Variants in TSC22D1 observed in about 807,000 individuals in gnomAD.
TSC22D1 encodes TSC22 domain family protein 1.
In TSC22D1, 9 loss-of-function variants were observed where a neutral mutation model predicts 74.2. That is an observed-to-expected ratio of 0.12 (90% CI 0.07 to 0.21). The LOEUF is 0.21. TSC22D1 is among the 10% of genes least tolerant of loss of function. TSC22D1 has a pLI of 1.00. For synonymous variants in TSC22D1, 586 were observed against 492.5 expected (o/e 1.19, Z -2.51); for missense variants, 1,427 against 1,304.7 (o/e 1.09, Z -1.44).
In TSC22D1 at chr13:44,474,136, C is replaced by G. The variant is rs2137915259; in HGVS notation, c.2913-38041G>C. ...AAGCTGAGTATTTAGAAACCAACTG[C>G]TTTTCAAGGTACTAGGCAGGACTTA... On this transcript the variant is annotated intron_variant, in intron 1 of 2. Coordinates refer to ENST00000458659, the MANE Select transcript of TSC22D1 (RefSeq NM_183422.4). 3 of 653,280 alleles carry G rather than the reference C, an allele frequency of 4.6e-6. 1 individual carries two copies. The East Asian group carries it at 4.1e-4, about 90-fold the overall frequency. The allele number at this position is 653,280 out of a possible 1,614,324, so 40.5% of individuals were successfully genotyped here. A position where few individuals can be genotyped will look rare whatever the true frequency, so the allele number is the denominator to read the frequency against.
intron 1 of TSC22D1, among the ~76,000 whole-genome samples, chr13:44,569,153 T>C (rs1266854461): frequency 6.6e-6 from 1 of 152,186 alleles, no homozygotes; most frequent in Non-Finnish European, 1.5e-5. Context: ...AATTCTTATA[T>C]CAACCCAATG....
At chr13:44,442,576 A>T (rs974289232) in intron 1 of TSC22D1, among the ~76,000 whole-genome samples, 2 of 152,200 alleles carry the variant, frequency 1.3e-5, no homozygotes, top group Non-Finnish European at 2.9e-5. Context: ...GTGATATATG[A>T]GCAATAGAAA....
At chr13:44,544,948 G>T (rs920546352) in intron 1 of TSC22D1, among the ~76,000 whole-genome samples, 1 of 152,070 alleles carries the variant, frequency 6.6e-6, no homozygotes, top group African/African-American at 2.4e-5. Flanking sequence ...TAGAATAAAA[G>T]ATAAAAGGCA....
intron 1 of TSC22D1, among the ~76,000 whole-genome samples, chr13:44,545,985 A>C (rs1042638468): frequency 6.6e-6 from 1 of 151,942 alleles, no homozygotes; most frequent in South Asian, 2.1e-4. Flanking sequence ...TCAAAAAAAA[A>C]AATAAATAAA....
intron 1 of TSC22D1, among the ~76,000 whole-genome samples, chr13:44,506,129 G>A (rs184683877): frequency 1.3e-5 from 2 of 152,280 alleles, no homozygotes; most frequent in East Asian, 1.9e-4. Context: ...AAGGTATAAC[G>A]AAGTAATAAT....
intron 1 of TSC22D1, among the ~76,000 whole-genome samples, chr13:44,456,213 T>TAAAACAACAAAGC (rs1259890209): frequency 2.0e-5 from 3 of 152,116 alleles, no homozygotes; most frequent in Admixed American, 6.5e-5. Flanking sequence ...TCGCTAACAG[T>TAAAACAACAAAGC]AAAACAACAA....
At chr13:44,440,407 C>T (rs745745479) in intron 1 of TSC22D1, among the ~76,000 whole-genome samples, 2 of 151,630 alleles carry the variant, frequency 1.3e-5, no homozygotes, top group Non-Finnish European at 2.9e-5. Flanking sequence ...GGTAAAACCC[C>T]GTCTCCACTT....
chr13:44,474,761 A>T (rs1265009744), intron 1 of TSC22D1, among the ~76,000 whole-genome samples: 1 of 152,016 alleles, frequency 6.6e-6, no homozygotes, highest in East Asian at 1.9e-4. Flanking sequence ...GGAGGACGGG[A>T]GGAGAGTAAA....
chr13:44,536,674 T>A, intron 1 of TSC22D1: 12 of 913,950 alleles, frequency 1.3e-5, no homozygotes, highest in Non-Finnish European at 1.6e-5. Flanking sequence ...AGTTATATTT[T>A]GATCAATCTA....
intron 1 of TSC22D1, among the ~76,000 whole-genome samples, chr13:44,496,693 T>C (rs1020793714): frequency 2.7e-5 from 4 of 150,554 alleles, no homozygotes; most frequent in African/African-American, 9.8e-5. Flanking sequence ...CTCAAAAAAA[T>C]AGTAATAATA....
At chr13:44,571,854 A>T (rs2138245369) in intron 1 of TSC22D1, among the ~76,000 whole-genome samples, 1 of 152,286 alleles carries the variant, frequency 6.6e-6, no homozygotes, top group Non-Finnish European at 1.5e-5. Flanking sequence ...CTTGAAAGAT[A>T]AGATTTTATC....
chr13:44,436,187 A>G, intron 1 of TSC22D1, 92 bp from the exon 2 acceptor site: 1 of 1,373,362 alleles, frequency 7.3e-7, no homozygotes, highest in South Asian at 1.3e-5. Context: ...TGATATTGCT[A>G]GCATCATATT....
intron 1 of TSC22D1, among the ~76,000 whole-genome samples, chr13:44,457,059 A>T (rs1221674855): frequency 6.6e-6 from 1 of 152,240 alleles, no homozygotes; most frequent in Non-Finnish European, 1.5e-5. Flanking sequence ...GGAAAACACC[A>T]ATTTGTTCCA....
At chr13:44,435,606 C>CCG (rs1874525657) in intron 2 of TSC22D1, among the ~76,000 whole-genome samples, 1 of 152,176 alleles carries the variant, frequency 6.6e-6, no homozygotes, top group Non-Finnish European at 1.5e-5. Context: ...CACCGGGGAC[C>CCG]CGTTTGTGCA....
At chr13:44,455,605 G>T (rs1002781588) in intron 1 of TSC22D1, among the ~76,000 whole-genome samples, 10 of 152,292 alleles carry the variant, frequency 6.6e-5, no homozygotes, top group Middle Eastern at 3.4e-3. Flanking sequence ...GTACAAATAA[G>T]TCAGGTCCTC....
Position 44,516,935 on chromosome 13 carries a change from T to C in TSC22D1, c.2912+56228A>G, listed in dbSNP as rs1441258508. Among the ~76,000 whole-genome samples the C allele has an allele frequency of 2.6e-5, 4 of 152,294 alleles. No individual in the cohort carries two copies. The East Asian group carries it at 5.8e-4, about 22-fold the overall frequency. On this transcript the variant is annotated intron_variant, in intron 1 of 2. Coordinates refer to ENST00000458659, the MANE Select transcript of TSC22D1 (RefSeq NM_183422.4). ...AGTCTCTTCCTAAGTCCTGCCCAGTTAGTCACCCCGCCTTCTTCCTGCCAC... is the reference window on the plus strand; with the variant it reads ...AGTCTCTTCCTAAGTCCTGCCCAGTCAGTCACCCCGCCTTCTTCCTGCCAC...
At chr13:44,564,137 T>C (rs1297114906) in intron 1 of TSC22D1, among the ~76,000 whole-genome samples, 1 of 152,012 alleles carries the variant, frequency 6.6e-6, no homozygotes, top group African/African-American at 2.4e-5. Context: ...AAATAGAAGT[T>C]CTCCTTGGTT....
chr13:44,434,217 C>G lies in TSC22D1; in HGVS notation c.*409G>C. ...TCCTGGGGGGAGGAGAGGAGAGAGG[C>G]GAGTCCAGTGAGGAGCTCCATCGCT... On this transcript the variant is annotated 3_prime_UTR_variant, in exon 3 of 3. Coordinates refer to ENST00000458659, the MANE Select transcript of TSC22D1 (RefSeq NM_183422.4). 5 of 1,436,120 alleles carry G rather than the reference C, an allele frequency of 3.5e-6. No individual in the cohort carries two copies. The highest frequency in any genetic ancestry group is 4.5e-6 in the Non-Finnish European group (5 of 1,109,068). 89.0% of individuals were successfully genotyped at this position (1,436,120 alleles called of 1,614,324 possible). A position where few individuals can be genotyped will look rare whatever the true frequency, so the allele number is the denominator to read the frequency against.
At chr13:44,485,057 A>G (rs1878363445) in intron 1 of TSC22D1, among the ~76,000 whole-genome samples, 2 of 152,220 alleles carry the variant, frequency 1.3e-5, no homozygotes, top group Non-Finnish European at 2.9e-5. Context: ...ATAAAGAGTC[A>G]ATAAATATTG....
Sources: allele counts gnomAD v4.1 joint callset (sites outside exome capture counted in the v4.1 genomes callset), GRCh38; gene constraint gnomAD v4.1.1; transcripts MANE v1.5; gene names NCBI Gene and HGNC (gene_info 2026-07-23, HGNC 2026-07-21).